ZNF609: variants seen among roughly 807,000 people sequenced by gnomAD.
ZNF609 encodes zinc finger protein 609.
Under a neutral mutation model 109.5 loss-of-function variants are expected in ZNF609, and 11 were observed. The ratio of observed to expected loss-of-function variants is 0.10; its 90% confidence interval spans 0.06 to 0.17. The LOEUF is 0.17. Ranked by LOEUF, ZNF609 falls within the 10% of genes least tolerant of loss-of-function variation. The probability of loss-of-function intolerance (pLI) is 1.00; values close to 1 mark genes in which losing one functional copy is unlikely to be tolerated. For synonymous variants in ZNF609, 646 were observed against 662.0 expected, an observed-to-expected ratio of 0.98 and a Z score of 0.37; for missense variants, 1,559 against 1,772.4, an observed-to-expected ratio of 0.88 and a Z score of 2.16.
chr15:64,544,387 TA>T (rs1349529371), intron 2 of ZNF609, among the ~76,000 whole-genome samples: 3 of 152,110 alleles, frequency 2.0e-5, no homozygotes, highest in Non-Finnish European at 4.4e-5. Flanking sequence ...TAATAATCGT[TA>T]AAACCAAAGC....
chr15:64,656,363 A>G (rs778017806), intron 3 of ZNF609, among the ~76,000 whole-genome samples: 117 of 152,172 alleles, frequency 7.7e-4, no homozygotes, highest in Middle Eastern at 3.4e-3. Flanking sequence ...ATGCCTAGCT[A>G]TCTTATTTTC....
chr15:64,615,550 G>A (rs995175754), intron 2 of ZNF609, among the ~76,000 whole-genome samples: 6 of 149,820 alleles, frequency 4.0e-5, no homozygotes, highest in Non-Finnish European at 5.9e-5. Context: ...GCAATAGCAC[G>A]ATCTCGGCTC....
chr15:64,662,085 G>T (rs887762541), intron 3 of ZNF609, among the ~76,000 whole-genome samples: 1 of 150,150 alleles, frequency 6.7e-6, no homozygotes, highest in Admixed American at 6.6e-5. Context: ...TCTGGGGCTG[G>T]AGGATCCTCT....
intron 2 of ZNF609, chr15:64,501,773 A>G (rs1488492385): frequency 6.6e-6 from 1 of 152,192 alleles, no homozygotes; most frequent in African/African-American, 2.4e-5. Context: ...TCTAAATTTT[A>G]GAGTACTTAT....
chr15:64,548,925 G>T (rs1041888309), intron 2 of ZNF609, among the ~76,000 whole-genome samples: 2 of 152,134 alleles, frequency 1.3e-5, no homozygotes, highest in African/African-American at 4.8e-5. Context: ...TCTTTCTTCT[G>T]TTCATGTAGT....
rs529639271 is a variant in ZNF609 at position 64,566,977 on chromosome 15, G to A, written c.748-55850G>A. On this transcript the variant is annotated intron_variant, in intron 2 of 9. Coordinates refer to ENST00000326648, the MANE Select transcript of ZNF609 (RefSeq NM_015042.2). ...GACAGAAACCTTTGTGATAAGCATT[G>A]GGAAATCTGACTCCTGGAAAGAGTG... Among the ~76,000 whole-genome samples the A allele has an allele frequency of 9.2e-5, 14 of 152,236 alleles. No individual in the cohort carries two copies. In the East Asian group the frequency reaches 2.5e-3, roughly 27 times the overall value.
chr15:64,479,411 C>G (rs962532008), intron 1 of ZNF609, among the ~76,000 whole-genome samples: 1 of 149,884 alleles, frequency 6.7e-6, no homozygotes, highest in South Asian at 2.1e-4. Flanking sequence ...CCTGCCTCAG[C>G]CTGCCAAGTA....
intron 2 of ZNF609, among the ~76,000 whole-genome samples, chr15:64,522,842 T>C (rs1177596642): frequency 6.6e-6 from 1 of 152,158 alleles, no homozygotes; most frequent in Non-Finnish European, 1.5e-5. Context: ...GTTAAGGAAG[T>C]TGCACAAAAA....
At chr15:64,663,850 A>G (rs961428142) in intron 3 of ZNF609, among the ~76,000 whole-genome samples, 8 of 152,112 alleles carry the variant, frequency 5.3e-5, no homozygotes, top group African/African-American at 1.7e-4. Context: ...TGACTACACA[A>G]ATGTTTTGAG....
At chr15:64,517,979 A>G (rs940471825) in intron 2 of ZNF609, among the ~76,000 whole-genome samples, 1 of 151,808 alleles carries the variant, frequency 6.6e-6, no homozygotes, top group Non-Finnish European at 1.5e-5. Context: ...GGGTTTCACC[A>G]TGTTGCCCAG....
At chr15:64,614,241 T>A (rs1895763710) in intron 2 of ZNF609, among the ~76,000 whole-genome samples, 2 of 150,486 alleles carry the variant, frequency 1.3e-5, no homozygotes, top group South Asian at 4.2e-4. Flanking sequence ...TTTCTTTTTT[T>A]TTTTTTTGAG....
chr15:64,528,607 C>T, intron 2 of ZNF609: 1 of 713,358 alleles, frequency 1.4e-6, no homozygotes, highest in Non-Finnish European at 2.5e-6. Context: ...CAGGGACTCC[C>T]CAGCAGTAAG....
At position 64,680,712 on chromosome 15, in the gene ZNF609, T is replaced by C; in HGVS notation, c.4012T>C (p.Cys1338Arg). The C allele has an allele frequency of 1.2e-6, 2 of 1,612,198 alleles. No homozygotes were observed. The highest frequency in any genetic ancestry group is 1.7e-6 in the Non-Finnish European group (2 of 1,179,574). Reference sequence around the variant, plus strand: ...TGGGGTGGTTGGGGGTGGTGGCAGCTGTAGCAGCGTCGGGGGAGCAAGTGG... The same window carrying C: ...TGGGGTGGTTGGGGGTGGTGGCAGCCGTAGCAGCGTCGGGGGAGCAAGTGG... ...GCGVVGGGGSCSSVGGASGGE... is the reference protein window; with the variant it reads ...GCGVVGGGGSRSSVGGASGGE... The change falls in exon 8 of 10, where the codon TGT (cysteine) becomes CGT (arginine). Residue 1338 changes from cysteine (C) to arginine (R), a missense_variant. Around this residue, in one of 4 missense-constraint regions of ZNF609, gnomAD observed 1,204 missense variants for 1,314.1 expected, o/e 0.92. Transcript: ENST00000326648.
At chr15:64,524,720 G>A (rs1323922275) in intron 2 of ZNF609, among the ~76,000 whole-genome samples, 1 of 152,122 alleles carries the variant, frequency 6.6e-6, no homozygotes, top group Admixed American at 6.6e-5. Flanking sequence ...TCAGGTGAGG[G>A]ATATTTGGGT....
intron 5 of ZNF609, among the ~76,000 whole-genome samples, chr15:64,677,199 G>T (rs1317720458): frequency 6.6e-6 from 1 of 152,000 alleles, no homozygotes; most frequent in Non-Finnish European, 1.5e-5. Context: ...AATTAACCAG[G>T]ACTACAGATG....
At chr15:64,634,157 A>G (rs961015663) in intron 3 of ZNF609, among the ~76,000 whole-genome samples, 3 of 152,006 alleles carry the variant, frequency 2.0e-5, no homozygotes, top group Non-Finnish European at 4.4e-5. Flanking sequence ...GAGGGTGGGT[A>G]AGTAGCTGAC....
At chr15:64,602,592 G>A (rs973450417) in intron 2 of ZNF609, among the ~76,000 whole-genome samples, 1 of 151,754 alleles carries the variant, frequency 6.6e-6, no homozygotes, top group Non-Finnish European at 1.5e-5. Flanking sequence ...TTTAAATGTT[G>A]ATGTTCCTTG....
chr15:64,504,969 T>C (rs1893614166), intron 2 of ZNF609, among the ~76,000 whole-genome samples: 1 of 152,182 alleles, frequency 6.6e-6, no homozygotes, highest in Non-Finnish European at 1.5e-5. Context: ...ATTTTTTCAA[T>C]GTAAAGACTA....
At chr15:64,573,963 G>C (rs1744663206) in intron 2 of ZNF609, among the ~76,000 whole-genome samples, 1 of 152,002 alleles carries the variant, frequency 6.6e-6, no homozygotes, top group Non-Finnish European at 1.5e-5. Flanking sequence ...ACATTATTCT[G>C]TTTAGGAACT....
Sources: allele counts gnomAD v4.1 joint callset (sites outside exome capture counted in the v4.1 genomes callset), GRCh38; gene constraint gnomAD v4.1.1; regional missense constraint gnomAD v4.1.1; transcripts MANE v1.5; gene names NCBI Gene and HGNC (gene_info 2026-07-23, HGNC 2026-07-21).